Variants in CDKAL1 observed in about 807,000 individuals in gnomAD.
The protein encoded by CDKAL1 is threonylcarbamoyladenosine tRNA methylthiotransferase.
In CDKAL1, 32 loss-of-function variants were observed where a neutral mutation model predicts 68.2. That is an observed-to-expected ratio of 0.47 (90% confidence interval 0.35 to 0.63). CDKAL1 has a LOEUF of 0.63. CDKAL1 is among the 30% of genes least tolerant of loss of function. CDKAL1 has a pLI of 0.00. For missense variants in CDKAL1, 606 were observed against 696.7 expected, an observed-to-expected ratio of 0.87 and a Z score of 1.47; for synonymous variants, 234 against 244.3, an observed-to-expected ratio of 0.96 and a Z score of 0.39.
chr6:20,894,836 T>G (rs1282195725), intron 9 of CDKAL1, among the ~76,000 whole-genome samples: 6 of 152,310 alleles, frequency 3.9e-5, no homozygotes, highest in African/African-American at 1.4e-4. Context: ...AGTGAGACCC[T>G]GTGTTTTAAA....
chr6:20,914,492 C>A (rs1041672894), intron 9 of CDKAL1, among the ~76,000 whole-genome samples: 12 of 151,958 alleles, frequency 7.9e-5, no homozygotes, highest in African/African-American at 2.9e-4. Flanking sequence ...TCCTTCTACC[C>A]CACCCTAGCT....
At chr6:20,677,087 G>A (rs918295741) in intron 5 of CDKAL1, among the ~76,000 whole-genome samples, 5 of 151,858 alleles carry the variant, frequency 3.3e-5, no homozygotes, top group African/African-American at 9.7e-5. Flanking sequence ...TTGTGTGTGT[G>A]TGTGATAGAG....
At chr6:21,212,459 G>A (rs1042506636) in intron 15 of CDKAL1, among the ~76,000 whole-genome samples, 8 of 152,122 alleles carry the variant, frequency 5.3e-5, no homozygotes, top group Admixed American at 2.0e-4. Flanking sequence ...CTTTTCATGG[G>A]AACTATGAGG....
chr6:20,831,136 A>G (rs1227907628), intron 8 of CDKAL1, among the ~76,000 whole-genome samples: 1 of 152,170 alleles, frequency 6.6e-6, no homozygotes, highest in East Asian at 1.9e-4. Context: ...CACCTTTATT[A>G]ATCAAAATAG....
At chr6:20,844,215 A>G (rs911388946) in intron 8 of CDKAL1, among the ~76,000 whole-genome samples, 3 of 152,216 alleles carry the variant, frequency 2.0e-5, no homozygotes, top group Admixed American at 6.5e-5. Flanking sequence ...AGAGAAACAC[A>G]TATTTTAATT....
At chr6:20,998,677 C>T (rs1767257657) in intron 10 of CDKAL1, among the ~76,000 whole-genome samples, 1 of 151,258 alleles carries the variant, frequency 6.6e-6, no homozygotes, top group Admixed American at 6.6e-5. Context: ...GTAACAGTTT[C>T]ATGAAAGTGT....
At chr6:20,954,126 T>G (rs1178508528) in intron 9 of CDKAL1, among the ~76,000 whole-genome samples, 1 of 152,184 alleles carries the variant, frequency 6.6e-6, no homozygotes, top group Non-Finnish European at 1.5e-5. Context: ...AGTTTTTTGC[T>G]GAAGTAATTA....
At chr6:20,883,927 C>G (rs1298621324) in intron 9 of CDKAL1, among the ~76,000 whole-genome samples, 1 of 152,080 alleles carries the variant, frequency 6.6e-6, no homozygotes, top group Non-Finnish European at 1.5e-5. Flanking sequence ...TAACACCAGT[C>G]CCTCTGAAAT....
At chr6:21,159,731 C>T (rs1776820205) in intron 13 of CDKAL1, among the ~76,000 whole-genome samples, 1 of 152,208 alleles carries the variant, frequency 6.6e-6, no homozygotes. Flanking sequence ...ACAGCGACAC[C>T]TAATTCACTT....
intron 8 of CDKAL1, among the ~76,000 whole-genome samples, chr6:20,789,007 T>A (rs1775789777): frequency 6.6e-6 from 1 of 152,246 alleles, no homozygotes; most frequent in South Asian, 2.1e-4. Context: ...GAAAAAATTT[T>A]CTGGCTAACC....
intron 2 of CDKAL1, among the ~76,000 whole-genome samples, chr6:20,536,794 G>C (rs1355888568): frequency 6.6e-6 from 1 of 152,126 alleles, no homozygotes; most frequent in African/African-American, 2.4e-5. Context: ...ACAACAAAGC[G>C]AGACCTTGTT....
At chr6:20,887,464 A>G (rs893287533) in intron 9 of CDKAL1, among the ~76,000 whole-genome samples, 3 of 152,028 alleles carry the variant, frequency 2.0e-5, no homozygotes, top group African/African-American at 7.2e-5. Context: ...TATCCACAAA[A>G]TGAACTATTA....
intron 13 of CDKAL1, among the ~76,000 whole-genome samples, chr6:21,196,566 A>G (rs1778477494): frequency 6.6e-6 from 1 of 152,232 alleles, no homozygotes; most frequent in Non-Finnish European, 1.5e-5. Flanking sequence ...TAAACTAGAT[A>G]GTAAATTATG....
rs200157020 is a variant in CDKAL1, at chr6:20,693,745, TA to T, written c.371+44372del. On this transcript the variant is annotated intron_variant, in intron 5 of 15. Coordinates refer to ENST00000274695, the MANE Select transcript of CDKAL1 (RefSeq NM_017774.3). Reference sequence around the variant, plus strand: ...TTAATGAGAATAACTGAAGTAATACTAAAAGCTTTCATAAGACCTGGTTAAA... The same window carrying T: ...TTAATGAGAATAACTGAAGTAATACTAAAGCTTTCATAAGACCTGGTTAAA... Among the ~76,000 whole-genome samples, 1,357 of 152,332 alleles carry T rather than the reference TA, an allele frequency of 8.9e-3. 24 individuals carry two copies. Among genetic ancestry groups the T allele is most frequent in the African/African-American group, 0.031 (1,279 of 41,576 alleles).
chr6:20,686,212 A>G (rs1327536537), intron 5 of CDKAL1, among the ~76,000 whole-genome samples: 1 of 151,626 alleles, frequency 6.6e-6, no homozygotes, highest in East Asian at 1.9e-4. Flanking sequence ...GTCTTGTATT[A>G]ACTAGGACAG....
chr6:20,626,292 G>C (rs1239594870), intron 4 of CDKAL1, among the ~76,000 whole-genome samples: 1 of 152,060 alleles, frequency 6.6e-6, no homozygotes, highest in Non-Finnish European at 1.5e-5. Flanking sequence ...TAAGCTTCCT[G>C]CTAGAAAGTT....
At chr6:20,697,154 CA>C (rs1771143173) in intron 5 of CDKAL1, among the ~76,000 whole-genome samples, 1 of 152,196 alleles carries the variant, frequency 6.6e-6, no homozygotes, top group African/African-American at 2.4e-5. Flanking sequence ...AGATGTCATG[CA>C]AAAACTAGTG....
At chr6:21,155,136 G>A (rs1464797523) in intron 13 of CDKAL1, among the ~76,000 whole-genome samples, 3 of 152,064 alleles carry the variant, frequency 2.0e-5, no homozygotes, top group Non-Finnish European at 4.4e-5. Flanking sequence ...AATATATCTA[G>A]AAACTCAGTT....
chr6:21,162,742 T>C (rs1351290927), intron 13 of CDKAL1, among the ~76,000 whole-genome samples: 1 of 151,558 alleles, frequency 6.6e-6, no homozygotes, highest in Admixed American at 6.6e-5. Flanking sequence ...CTGGGCAACA[T>C]AGCAAGACCT....
Sources: allele counts gnomAD v4.1 joint callset (sites outside exome capture counted in the v4.1 genomes callset), GRCh38; gene constraint gnomAD v4.1.1; transcripts MANE v1.5; gene names NCBI Gene and HGNC (gene_info 2026-07-23, HGNC 2026-07-21).